Variants in ADARB2 observed in about 807,000 individuals in gnomAD.
ADARB2 encodes the protein adenosine deaminase RNA specific B2 (inactive), also known as inactive double-stranded RNA-specific editase B2.
A neutral mutation model predicts 62.2 loss-of-function variants in ADARB2; 25 were observed. The observed-to-expected ratio is 0.40, with a 90% CI of 0.29 to 0.56. The LOEUF is 0.56. Ranked by LOEUF, ADARB2 falls within the 20% of genes least tolerant of loss-of-function variation. ADARB2 has a pLI of 0.43. For synonymous variants in ADARB2, 572 were observed against 500.8 expected, an observed-to-expected ratio of 1.14 and a Z score of -1.90; for missense variants, 1,071 against 1,077.4, an observed-to-expected ratio of 0.99 and a Z score of 0.08.
intron 1 of ADARB2, among the ~76,000 whole-genome samples, chr10:1,494,549 A>C (rs1349460979): frequency 6.6e-6 from 1 of 152,186 alleles, no homozygotes; most frequent in Non-Finnish European, 1.5e-5. Context: ...CACACAATAG[A>C]TTAAAAGCCT....
rs1254909198 is a variant in ADARB2, at chr10:1,460,482, C to T, written c.101-81322G>A. On this transcript the variant is annotated intron_variant, in intron 1 of 9. Coordinates refer to ENST00000381312, the MANE Select transcript of ADARB2 (RefSeq NM_018702.4). ...GAACCTGCCTGTGACCTGAGTTTAC[C>T]TGCGTTACGAACCTGCCTGTGACCT... Among the ~76,000 whole-genome samples, 2 of 84,412 alleles carry T rather than the reference C, an allele frequency of 2.4e-5. 1 individual carries two copies. Among genetic ancestry groups the T allele is most frequent in the Non-Finnish European group, 4.6e-5 (2 of 43,478 alleles). 55.4% of individuals were successfully genotyped at this position (84,412 alleles called of 152,430 possible).
At position 1,242,156 on chromosome 10, in the gene ADARB2, A is replaced by G. The variant is rs1470334581; in HGVS notation, c.1336T>C (p.Tyr446His). The G allele has an allele frequency of 2.5e-6, 4 of 1,609,702 alleles. No individual in the cohort carries two copies. The highest frequency in any genetic ancestry group is 1.1e-5 in the South Asian group (1 of 90,924). The change falls in exon 5 of 10, where the codon TAC becomes CAC. Residue 446 changes from tyrosine (Y) to histidine (H), a missense_variant. Tyr to His is a moderately conservative substitution (Grantham distance 83, BLOSUM62 2). Transcript: ENST00000381312. ...VARRAFLHFL[Y>H]TQLELHLSKR... ...CTCAGGTGCAGCTCCAGCTGCGTGT[A>G]GAGGAAGTGCAGGAACGCCCGCCGG...
intron 1 of ADARB2, among the ~76,000 whole-genome samples, chr10:1,639,248 A>G (rs138237431): frequency 6.6e-6 from 1 of 152,258 alleles, no homozygotes; most frequent in Non-Finnish European, 1.5e-5. Flanking sequence ...GACCGCATCC[A>G]GGAGGTTGAC....
intron 1 of ADARB2, among the ~76,000 whole-genome samples, chr10:1,500,860 C>A (rs1170488531): frequency 6.6e-6 from 1 of 152,140 alleles, no homozygotes; most frequent in Non-Finnish European, 1.5e-5. Context: ...TTCTCTAGTG[C>A]ACCTTTTAAA....
chr10:1,183,138 C>A lies in ADARB2; in HGVS notation c.*55G>T. On this transcript the variant is annotated 3_prime_UTR_variant, in exon 10 of 10. Transcript: ENST00000381312. ...CCGACCCGCCACGTCGCCCCCCAGA[C>A]ACGGTCCCATCCCTCCAGCGTCCCG... is the stretch of plus-strand genomic sequence containing the variant. The A allele has an allele frequency of 6.3e-7, 1 of 1,578,928 alleles. No homozygotes were observed.
intron 1 of ADARB2, among the ~76,000 whole-genome samples, chr10:1,501,157 G>A (rs1237016054): frequency 2.0e-5 from 3 of 152,206 alleles, no homozygotes; most frequent in African/African-American, 7.2e-5. Context: ...ATAGGCGTGA[G>A]TCACCACGCC....
At chr10:1,444,332 CCCAG>C (rs1830940342) in intron 1 of ADARB2, among the ~76,000 whole-genome samples, 2 of 79,098 alleles carry the variant, frequency 2.5e-5, no homozygotes, top group South Asian at 6.3e-4. Context: ...CTTCCATCCA[CCCAG>C]CCATCCACTC....
intron 1 of ADARB2, among the ~76,000 whole-genome samples, chr10:1,510,952 G>A (rs1051862522): frequency 2.6e-5 from 4 of 152,232 alleles, no homozygotes; most frequent in Non-Finnish European, 5.9e-5. Context: ...CTTCTGGCTC[G>A]AGTGATCCTA....
At chr10:1,209,350 TGCCTAC>T (rs1837112254) in intron 7 of ADARB2, among the ~76,000 whole-genome samples, 1 of 105,022 alleles carries the variant, frequency 9.5e-6, no homozygotes, top group Admixed American at 9.2e-5. Flanking sequence ...CCCATGCCCA[TGCCTAC>T]ACCGTCACCC....
intron 1 of ADARB2, chr10:1,675,499 G>T: frequency 1.0e-6 from 1 of 954,674 alleles, no homozygotes; most frequent in South Asian, 4.8e-5. Context: ...ATGTTCTGGA[G>T]GTTTGGGTTT....
chr10:1,525,053 T>C (rs955121941), intron 1 of ADARB2, among the ~76,000 whole-genome samples: 2 of 152,152 alleles, frequency 1.3e-5, no homozygotes, highest in Non-Finnish European at 2.9e-5. Flanking sequence ...AGTAATAAAA[T>C]AATAATAATA....
intron 1 of ADARB2, among the ~76,000 whole-genome samples, chr10:1,633,849 C>G (rs1404018882): frequency 6.6e-6 from 1 of 152,204 alleles, no homozygotes; most frequent in Non-Finnish European, 1.5e-5. Context: ...GACTCTGACC[C>G]CTCCTCTAGT....
intron 4 of ADARB2, among the ~76,000 whole-genome samples, chr10:1,252,484 ATCT>A (rs1324560667): frequency 1.3e-5 from 2 of 152,146 alleles, no homozygotes; most frequent in African/African-American, 4.8e-5. Context: ...AGCCTAACTG[ATCT>A]TCTGTACAAT....
intron 3 of ADARB2, among the ~76,000 whole-genome samples, chr10:1,354,602 C>T (rs569658136): frequency 5.9e-4 from 90 of 152,338 alleles, no homozygotes; most frequent in African/African-American, 1.9e-3. Context: ...TGACAATGGG[C>T]GAAGGAGAGG....
chr10:1,187,417 C>T (rs1476374153), intron 8 of ADARB2, among the ~76,000 whole-genome samples: 1 of 152,202 alleles, frequency 6.6e-6, no homozygotes, highest in Non-Finnish European at 1.5e-5. Context: ...TCCCCTCCTC[C>T]TCCTGCTCCC....
intron 1 of ADARB2, among the ~76,000 whole-genome samples, chr10:1,690,256 GAC>G (rs1456602282): frequency 6.6e-6 from 1 of 152,218 alleles, no homozygotes. Context: ...TCTTGCACAA[GAC>G]ACAGTACCAG....
chr10:1,208,003 C>T (rs758676107), intron 7 of ADARB2, among the ~76,000 whole-genome samples: 21 of 152,164 alleles, frequency 1.4e-4, no homozygotes, highest in Admixed American at 6.5e-5. Context: ...GTTAGGCCTG[C>T]GGTGTCCGAC....
chr10:1,516,229 A>AC (rs900024752), intron 1 of ADARB2, among the ~76,000 whole-genome samples: 1 of 151,696 alleles, frequency 6.6e-6, no homozygotes, highest in African/African-American at 2.4e-5. Context: ...CCTTACCCTT[A>AC]CCCCAAATAA....
chr10:1,376,083 GACACAC>G (rs149972448), intron 2 of ADARB2, among the ~76,000 whole-genome samples: 1 of 149,016 alleles, frequency 6.7e-6, no homozygotes, highest in African/African-American at 2.5e-5. Flanking sequence ...CACACATCAC[GACACAC>G]ACACACACAC....
Sources: allele counts gnomAD v4.1 joint callset (sites outside exome capture counted in the v4.1 genomes callset), GRCh38; gene constraint gnomAD v4.1.1; transcripts MANE v1.5; gene names NCBI Gene and HGNC (gene_info 2026-07-23, HGNC 2026-07-21).